VRK1: variants seen among roughly 807,000 people sequenced by gnomAD.
VRK1 encodes the protein VRK serine/threonine kinase 1.
VRK1 carries 33 observed loss-of-function variants against 57.1 expected under a neutral mutation model. That is an observed-to-expected ratio of 0.58 (90% CI 0.44 to 0.77). The LOEUF (loss-of-function observed/expected upper bound fraction) is 0.77. VRK1 is among the 30% of genes least tolerant of loss of function. VRK1 has a pLI of 0.00. For missense variants in VRK1, 413 were observed against 477.3 expected (o/e 0.87, Z 1.25); for synonymous variants, 137 against 147.8 (o/e 0.93, Z 0.53).
intron 11 of VRK1, among the ~76,000 whole-genome samples, chr14:96,869,568 T>G (rs1357019385): frequency 6.6e-6 from 1 of 152,216 alleles, no homozygotes; most frequent in African/African-American, 2.4e-5. Flanking sequence ...AAATAAAGAC[T>G]AAAATGTAGC....
chr14:96,853,199 A>G, intron 7 of VRK1, 33 bp downstream of exon 7: 2 of 1,579,386 alleles, frequency 1.3e-6, no homozygotes, highest in Non-Finnish European at 1.7e-6. Flanking sequence ...TACTATTTAA[A>G]GCGTGTTGTT....
chr14:96,805,924 T>C (rs1408756908), intron 1 of VRK1, among the ~76,000 whole-genome samples: 1 of 152,212 alleles, frequency 6.6e-6, no homozygotes, highest in Non-Finnish European at 1.5e-5. Context: ...AATGTTGAGA[T>C]TGACCAAGAA....
At chr14:96,811,824 A>G (rs1886218892) in intron 1 of VRK1, among the ~76,000 whole-genome samples, 1 of 151,656 alleles carries the variant, frequency 6.6e-6, no homozygotes, top group African/African-American at 2.4e-5. Flanking sequence ...TACATACCAT[A>G]CAATTCATTC....
Position 96,853,134 on chromosome 14 carries a change from A to G in VRK1, c.544A>G (p.Asn182Asp), listed in dbSNP as rs745552947. 1 of 1,613,806 alleles carries G rather than the reference A, an allele frequency of 6.2e-7. No individual in the cohort carries two copies. The highest frequency in any genetic ancestry group is 2.2e-5 in the East Asian group (1 of 44,862). Residue 182 changes from asparagine to aspartate, a missense_variant, in exon 7 of 13, where the codon AAT becomes GAT. Transcript: ENST00000216639. ...TGTGCATGGAGATATCAAGGCCTCAAATCTTCTTCTGAACTACAAGAATCC... is the reference window on the plus strand; with the variant it reads ...TGTGCATGGAGATATCAAGGCCTCAGATCTTCTTCTGAACTACAAGAATCC... Reference protein sequence around the residue: ...EYVHGDIKASNLLLNYKNPDQ... With the variant: ...EYVHGDIKASDLLLNYKNPDQ...
In VRK1 at chr14:96,877,690, G is replaced by T. The variant is rs532560898; in HGVS notation, c.1159+1570G>T. On this transcript the variant is annotated intron_variant, in intron 12 of 12. Transcript: ENST00000216639. Reference sequence around the variant, plus strand: ...TTCAGAAAGATCCTGCATTGTTCTAGTGAGATTGACACTCATTAAGTCTAA... The same window carrying T: ...TTCAGAAAGATCCTGCATTGTTCTATTGAGATTGACACTCATTAAGTCTAA... The T allele has an allele frequency of 4.9e-4, 623 of 1,259,122 alleles. 2 individuals carry two copies. The highest frequency in any genetic ancestry group is 1.8e-3 in the South Asian group (136 of 75,500). The allele number at this position is 1,259,122 out of a possible 1,614,324, so 78.0% of individuals were successfully genotyped here. A position where few individuals can be genotyped will look rare whatever the true frequency, so the allele number is the denominator to read the frequency against.
chr14:96,870,855 C>G (rs1888793932), intron 11 of VRK1, among the ~76,000 whole-genome samples: 1 of 152,064 alleles, frequency 6.6e-6, no homozygotes. Flanking sequence ...GACAGTAGAG[C>G]TTGAAGGCAG....
intron 12 of VRK1, among the ~76,000 whole-genome samples, chr14:96,878,343 ACACTGTG>A (rs1287875785): frequency 6.6e-6 from 1 of 152,214 alleles, no homozygotes; most frequent in Non-Finnish European, 1.5e-5. Context: ...AATTCAGTGA[ACACTGTG>A]TTTTAGGGCT....
chr14:96,878,264 T>A (rs1218679369), intron 12 of VRK1, among the ~76,000 whole-genome samples: 30 of 152,204 alleles, frequency 2.0e-4, no homozygotes, highest in Admixed American at 2.0e-3. Context: ...AATTTATCAG[T>A]TTAAAAGTTA....
intron 1 of VRK1, among the ~76,000 whole-genome samples, chr14:96,823,481 A>T (rs187525344): frequency 6.6e-6 from 1 of 152,236 alleles, no homozygotes; most frequent in Non-Finnish European, 1.5e-5. Context: ...AAAAAATACC[A>T]ATTGTAATGC....
At chr14:96,855,061 ATTTGCTGTTGT>A (rs771564224) in intron 7 of VRK1, among the ~76,000 whole-genome samples, 152 bp from the exon 8 acceptor site, 1 of 152,148 alleles carries the variant, frequency 6.6e-6, no homozygotes, top group Non-Finnish European at 1.5e-5. Flanking sequence ...AGAATTAAGT[ATTTGCTGTTGT>A]TTGCATTTTG....
At chr14:96,866,434 ATTG>A (rs1278784168) in intron 11 of VRK1, among the ~76,000 whole-genome samples, 12 of 152,274 alleles carry the variant, frequency 7.9e-5, no homozygotes, top group African/African-American at 2.9e-4. Flanking sequence ...GAAAGACTAT[ATTG>A]GCGATCTCTT....
intron 7 of VRK1, among the ~76,000 whole-genome samples, chr14:96,854,532 A>G (rs1340951087): frequency 6.6e-6 from 1 of 152,182 alleles, no homozygotes; most frequent in Non-Finnish European, 1.5e-5. Context: ...GAAGAAAGCC[A>G]AGTTTATTAG....
rs1595677216 is a variant in VRK1 at position 96,856,237 on chromosome 14, G to C, written c.817G>C (p.Asp273His). The change falls in exon 9 of 13, where the codon GAT becomes CAT. Residue 273 changes from aspartate (D) to histidine (H), a missense_variant. Physicochemically the swap from Asp to His is moderately conservative, Grantham distance 81. This residue lies in a region of VRK1 where 151 missense variants were observed against 225.5 expected (regional missense o/e 0.67). Coordinates refer to ENST00000216639, the MANE Select transcript of VRK1 (RefSeq NM_003384.3). ...TTTGAAAGATCCTAAATATGTTAGA[G>C]ATTCCAAAATTAGGTAAAGGAAAAC... ...DNLKDPKYVR[D>H]SKIRYRENIA... The C allele has an allele frequency of 6.2e-6, 10 of 1,613,362 alleles. No homozygotes were observed. Among genetic ancestry groups the C allele is most frequent in the Non-Finnish European group, 8.5e-6 (10 of 1,179,742 alleles).
At chr14:96,855,758 G>T (rs910386306) in intron 8 of VRK1, among the ~76,000 whole-genome samples, 2 of 152,056 alleles carry the variant, frequency 1.3e-5, no homozygotes, top group Non-Finnish European at 2.9e-5. Context: ...CATTTCTTCT[G>T]TGCTCAAAGC....
intron 12 of VRK1, 146 bp downstream of exon 12, chr14:96,876,266 T>TACAAAAGACACAATA: frequency 1.3e-6 from 1 of 754,702 alleles, no homozygotes; most frequent in Non-Finnish European, 2.4e-6. Flanking sequence ...ATGTATTGTG[T>TACAAAAGACACAATA]CTTTTGTACA....
chr14:96,823,844 T>C (rs1019029921), intron 1 of VRK1, among the ~76,000 whole-genome samples: 1 of 152,196 alleles, frequency 6.6e-6, no homozygotes, highest in Non-Finnish European at 1.5e-5. Context: ...TGTGGTGTAG[T>C]GTGTGTCAGA....
chr14:96,867,973 G>A (rs544757832), intron 11 of VRK1, among the ~76,000 whole-genome samples: 56 of 151,958 alleles, frequency 3.7e-4, no homozygotes, highest in African/African-American at 1.3e-3. Flanking sequence ...TTTTGGTTCT[G>A]TGATATTGCT....
chr14:96,842,490 G>C lies in VRK1; in HGVS notation c.217-3605G>C, dbSNP rs566967852. 2.0e-4 allele frequency among the ~76,000 whole-genome samples: 31 copies of C among 152,202 alleles called. No homozygotes were observed. In the South Asian group the frequency reaches 6.4e-3, roughly 32 times the overall value. On this transcript the variant is annotated intron_variant, in intron 3 of 12. Transcript: ENST00000216639. ...TATTTCTAAAAAAGCAGGATACAAA[G>C]TTCTATATATAGTATGAAGGTTGTC...
At chr14:96,807,205 A>G (rs970891584) in intron 1 of VRK1, among the ~76,000 whole-genome samples, 3 of 152,194 alleles carry the variant, frequency 2.0e-5, no homozygotes, top group Non-Finnish European at 2.9e-5. Flanking sequence ...TCCTATTTTT[A>G]TTAAAGTTTT....
Sources: gnomAD v4.1 joint callset for allele counts (sites outside exome capture counted in the v4.1 genomes callset) on GRCh38, gnomAD v4.1.1 for gene constraint, gnomAD v4.1.1 regional missense constraint, MANE v1.5 for transcripts, NCBI Gene and HGNC (gene_info 2026-07-23, HGNC 2026-07-21) for gene names.